The following ARID3B variants were observed in gnomAD, a reference collection of about 807,000 sequenced individuals.
ARID3B encodes the protein AT-rich interactive domain-containing protein 3B.
A neutral mutation model predicts 51.9 loss-of-function variants in ARID3B; 10 were observed. That is an observed-to-expected ratio of 0.19 (90% CI 0.12 to 0.33). The LOEUF (loss-of-function observed/expected upper bound fraction) is 0.33, where lower values mean the gene tolerates loss of function less well. Among genes scored for constraint, ARID3B ranks in the 10% least tolerant of loss-of-function variants. The pLI is 1.00. For synonymous variants in ARID3B, 205 were observed against 279.5 expected (o/e 0.73, Z 2.66); for missense variants, 483 against 716.3 (o/e 0.67, Z 3.72).
chr15:74,591,812 G>A lies in ARID3B; in HGVS notation c.1418G>A (p.Arg473Lys). 1.2e-6 allele frequency: 2 copies of A among 1,612,066 alleles called. No individual in the cohort carries two copies. Among genetic ancestry groups the A allele is most frequent in the Non-Finnish European group, 1.7e-6 (2 of 1,178,360 alleles). ...QLPMKIRING[R>K]EDRAEASAAA... ...CCCATGAAGATCAGGATCAACGGCA[G>A]GGGTGAGCCAGGCTCAGGGCCGGGC... Residue 473 changes from arginine (R) to lysine (K), a missense_variant and splice_region_variant, in exon 7 of 9, where the codon AGG becomes AAG. Arg to Lys is a conservative substitution (Grantham distance 26). Coordinates refer to ENST00000346246, the MANE Select transcript of ARID3B (RefSeq NM_006465.4). The surrounding 1 kb of genome is among the most constrained non-coding windows in gnomAD (Gnocchi z 5.8).
rs185203921 is a variant in ARID3B at position 74,547,264 on chromosome 15, T to C, written c.552+2776T>C. ...ACCTCCGCCTCCTGAGTTCAAGTGA[T>C]TTTCGTGCCTCACCCTCCCTAGCAG... On this transcript the variant is annotated intron_variant, in intron 2 of 8. Coordinates refer to ENST00000346246, the MANE Select transcript of ARID3B (RefSeq NM_006465.4). 7.6e-4 allele frequency among the ~76,000 whole-genome samples: 116 copies of C among 151,842 alleles called. 1 individual carries two copies. Among genetic ancestry groups the C allele is most frequent in the African/African-American group, 2.7e-3 (112 of 41,396 alleles).
intron 2 of ARID3B, among the ~76,000 whole-genome samples, chr15:74,556,713 C>T (rs948698185): frequency 1.2e-4 from 18 of 151,638 alleles, no homozygotes; most frequent in African/African-American, 3.9e-4. Context: ...CTCACCATTA[C>T]TTGATCCTAC....
chr15:74,553,506 G>A (rs1046937626), intron 2 of ARID3B, among the ~76,000 whole-genome samples: 7 of 152,184 alleles, frequency 4.6e-5, no homozygotes, highest in South Asian at 2.1e-4. Flanking sequence ...TATAATTTCA[G>A]TTTTAATTGC....
At position 74,596,857 on chromosome 15, in the gene ARID3B, A is replaced by G. The variant is rs1316722228; in HGVS notation, c.*1083A>G. 1 of 233,086 alleles carries G rather than the reference A, an allele frequency of 4.3e-6. No individual in the cohort carries two copies. The highest frequency in any genetic ancestry group is 8.5e-6 in the Non-Finnish European group (1 of 117,788). 14.4% of individuals were successfully genotyped at this position (233,086 alleles called of 1,614,324 possible). On this transcript the variant is annotated 3_prime_UTR_variant, in exon 9 of 9. Coordinates refer to ENST00000346246, the MANE Select transcript of ARID3B (RefSeq NM_006465.4). ...AAGAAATGAAAACAGATCACCCCCA[A>G]AGCCAAGCAAGTGATTGGGTAACCC...
chr15:74,582,146 G>A (rs1051256160), intron 4 of ARID3B, among the ~76,000 whole-genome samples: 18 of 152,002 alleles, frequency 1.2e-4, no homozygotes, highest in Admixed American at 3.9e-4. Context: ...CAGTTTCTCC[G>A]AATGCAGTTG....
chr15:74,561,952 C>G (rs991540767), intron 2 of ARID3B, among the ~76,000 whole-genome samples: 1 of 150,304 alleles, frequency 6.7e-6, no homozygotes, highest in Non-Finnish European at 1.5e-5. Context: ...ATGATTTTGC[C>G]TAATTGTAGG....
intron 1 of ARID3B, among the ~76,000 whole-genome samples, chr15:74,542,342 A>G (rs1482055828): frequency 1.3e-5 from 2 of 152,240 alleles, no homozygotes; most frequent in African/African-American, 2.4e-5. Context: ...GAATGAAAGT[A>G]TTGCTGCAAG....
intron 4 of ARID3B, among the ~76,000 whole-genome samples, chr15:74,580,679 C>T (rs2061758612): frequency 6.6e-6 from 1 of 152,168 alleles, no homozygotes; most frequent in Non-Finnish European, 1.5e-5. Flanking sequence ...GCAGACTTAG[C>T]ACGCGGTCTC....
At chr15:74,543,680 C>T (rs1292418123) in intron 1 of ARID3B, among the ~76,000 whole-genome samples, 180 bp from the exon 2 acceptor site, 2 of 152,148 alleles carry the variant, frequency 1.3e-5, no homozygotes, top group African/African-American at 2.4e-5. Flanking sequence ...CTTCTTCACA[C>T]CTTTTCCTAC....
rs983290606 is a variant in ARID3B, at chr15:74,541,238, C to T, written c.-170C>T. 4.0e-5 allele frequency: 6 copies of T among 151,182 alleles called. No homozygotes were observed. The highest frequency in any genetic ancestry group is 8.9e-5 in the Non-Finnish European group (6 of 67,710). The allele number at this position is 151,182 out of a possible 1,614,324, so 9.4% of individuals were successfully genotyped here. On this transcript the variant is annotated 5_prime_UTR_variant, in exon 1 of 9. Transcript: ENST00000346246. ...TGCGGGCCCCGCCCCGGCTGTGGCCCCCGGCTGCGGAGGAGTCCGAGACGC... is the reference window on the plus strand; with the variant it reads ...TGCGGGCCCCGCCCCGGCTGTGGCCTCCGGCTGCGGAGGAGTCCGAGACGC...
intron 2 of ARID3B, among the ~76,000 whole-genome samples, chr15:74,562,384 G>T (rs187890251): frequency 1.7e-3 from 258 of 152,212 alleles, no homozygotes; most frequent in Middle Eastern, 6.8e-3. Context: ...CAGGTGATCC[G>T]CCCACCTCGG....
At chr15:74,546,225 G>A (rs1011625778) in intron 2 of ARID3B, among the ~76,000 whole-genome samples, 1 of 151,592 alleles carries the variant, frequency 6.6e-6, no homozygotes. Flanking sequence ...CTTTGGTTTA[G>A]CAAAACATCT....
intron 4 of ARID3B, among the ~76,000 whole-genome samples, chr15:74,586,692 G>T (rs2061782928): frequency 6.6e-6 from 1 of 152,234 alleles, no homozygotes; most frequent in Admixed American, 6.5e-5. Context: ...AACATAGTGA[G>T]ACCTCGAGAA....
intron 4 of ARID3B, among the ~76,000 whole-genome samples, chr15:74,579,448 C>T (rs2061751184): frequency 6.6e-6 from 1 of 152,202 alleles, no homozygotes; most frequent in African/African-American, 2.4e-5. Context: ...ATCCTCCCCA[C>T]TCTGGTGGCC....
At chr15:74,553,642 C>T (rs1454301080) in intron 2 of ARID3B, among the ~76,000 whole-genome samples, 1 of 152,088 alleles carries the variant, frequency 6.6e-6, no homozygotes, top group Admixed American at 6.6e-5. Context: ...TATCAATTCT[C>T]TGAAATTTAA....
At chr15:74,579,560 T>G (rs559785252) in intron 4 of ARID3B, among the ~76,000 whole-genome samples, 2 of 152,322 alleles carry the variant, frequency 1.3e-5, no homozygotes, top group South Asian at 4.1e-4. Flanking sequence ...CGAGCTACCC[T>G]TGATGAACAA....
In ARID3B at chr15:74,551,097, G is replaced by A. The variant is rs962164124; in HGVS notation, c.552+6609G>A. On this transcript the variant is annotated intron_variant, in intron 2 of 8. Transcript: ENST00000346246. ...TCCATATACATGGGTTTCACATCTC[G>A]TAAATTTTGTCTTTGATCCAAGTTG... Among the ~76,000 whole-genome samples the A allele has an allele frequency of 4.6e-5, 7 of 152,164 alleles. No individual in the cohort carries two copies. In the South Asian group the frequency reaches 6.2e-4, roughly 13 times the overall value.
chr15:74,563,767 G>A (rs749199561), intron 2 of ARID3B, among the ~76,000 whole-genome samples: 12 of 151,614 alleles, frequency 7.9e-5, no homozygotes, highest in East Asian at 7.7e-4. Flanking sequence ...TGTGGCTCTC[G>A]GACTTGGACT....
chr15:74,546,401 G>A (rs1318849458), intron 2 of ARID3B, among the ~76,000 whole-genome samples: 3 of 152,210 alleles, frequency 2.0e-5, no homozygotes, highest in Non-Finnish European at 2.9e-5. Context: ...GCGTGTGTGC[G>A]GTCGTTCCTA....
Sources: allele counts gnomAD v4.1 joint callset (sites outside exome capture counted in the v4.1 genomes callset), GRCh38; gene constraint gnomAD v4.1.1; non-coding constraint Gnocchi (gnomAD v3.1); transcripts MANE v1.5; gene names NCBI Gene and HGNC (gene_info 2026-07-23, HGNC 2026-07-21).